IL2RB: variants seen among roughly 807,000 people sequenced by gnomAD.
The protein encoded by IL2RB is interleukin 2 receptor subunit beta, also known as interleukin-2 receptor subunit beta.
In IL2RB, 17 loss-of-function variants were observed where a neutral mutation model predicts 44.2. That is an observed-to-expected ratio of 0.38 (90% CI 0.26 to 0.58). IL2RB has a LOEUF of 0.58. Ranked by LOEUF, IL2RB falls within the 20% of genes least tolerant of loss-of-function variation. The pLI, the probability that IL2RB is intolerant of heterozygous loss-of-function variation, is 0.63. For missense variants in IL2RB, 624 were observed against 685.5 expected (o/e 0.91, Z 1.00); for synonymous variants, 286 against 297.9 (o/e 0.96, Z 0.41).
At chr22:37,165,625 T>C (rs1398280121) in intron 1 of IL2RB, among the ~76,000 whole-genome samples, 1 of 152,214 alleles carries the variant, frequency 6.6e-6, no homozygotes, top group Non-Finnish European at 1.5e-5. Context: ...GTGCAGATGC[T>C]CCTGGGCAGC....
In IL2RB at chr22:37,145,263, C is replaced by G. The variant is rs111851606; in HGVS notation, c.-33-1058G>C. Among the ~76,000 whole-genome samples, 238 of 152,284 alleles carry G rather than the reference C, an allele frequency of 1.6e-3. 2 individuals are homozygous for G. The highest frequency in any genetic ancestry group is 3.5e-3 in the South Asian group (17 of 4,824). ...CCTTGTCCACACTCGTACTCCCCTA[C>G]CTGCCTGGAAGCTCCCTGGAGGCAG... On this transcript the variant is annotated intron_variant, in intron 1 of 9. Coordinates refer to ENST00000216223, the MANE Select transcript of IL2RB (RefSeq NM_000878.5).
At chr22:37,159,490 G>GGGAA (rs1422000324) in intron 1 of IL2RB, among the ~76,000 whole-genome samples, 1 of 152,142 alleles carries the variant, frequency 6.6e-6, no homozygotes, top group Admixed American at 6.5e-5. Context: ...TTCAGGAAGG[G>GGGAA]GGAAGGAGCA....
intron 6 of IL2RB, among the ~76,000 whole-genome samples, chr22:37,137,027 C>A (rs1432675089): frequency 6.6e-6 from 1 of 152,146 alleles, no homozygotes; most frequent in Non-Finnish European, 1.5e-5. Flanking sequence ...TTATCACTAT[C>A]CGGGTGCCTC....
intron 1 of IL2RB, among the ~76,000 whole-genome samples, chr22:37,158,897 G>A (rs1237888991): frequency 1.3e-5 from 2 of 152,186 alleles, no homozygotes; most frequent in Non-Finnish European, 2.9e-5. Flanking sequence ...TCTTCACTAT[G>A]CTGAGAGCAC....
chr22:37,135,859 C>T (rs568063196), intron 7 of IL2RB, among the ~76,000 whole-genome samples: 4 of 152,280 alleles, frequency 2.6e-5, no homozygotes, highest in Non-Finnish European at 4.4e-5. Flanking sequence ...GCCAGGCTGC[C>T]GGGACATCAC....
chr22:37,138,870 C>T (rs1052339532), intron 5 of IL2RB, among the ~76,000 whole-genome samples: 1 of 152,138 alleles, frequency 6.6e-6, no homozygotes, highest in African/African-American at 2.4e-5. Flanking sequence ...TGGCCTTTGG[C>T]TGTAGCAGAA....
At chr22:37,150,061 A>T (rs1228785728), upstream of IL2RB, 1 of 182,922 alleles carries the variant, frequency 5.5e-6, no homozygotes, top group East Asian at 1.9e-4. Context: ...GGCCAGATAA[A>T]GATCTGCCTC....
rs1921214104 is a variant in IL2RB, at chr22:37,128,138, G to A, written c.1614C>T (p.Ser538=). The A allele has an allele frequency of 1.9e-6, 3 of 1,579,668 alleles. No individual in the cohort carries two copies. The Admixed American group carries it at 5.6e-5, about 30-fold the overall frequency. ...GGTCCTGACCCTGGAGTTCTTGGAG[G>A]GACAAGTAGGCATCAGTGTTCAGGG... ...RLPLNTDAYL[S]LQELQGQDPT... is the part of the protein sequence containing the mutation. Residue 538 remains serine (S), a synonymous_variant, in exon 10 of 10, where the codon TCC becomes TCT. Transcript: ENST00000216223. The surrounding 1 kb of genome is among the most constrained non-coding windows in gnomAD (Gnocchi z 4.5).
upstream of IL2RB, among the ~76,000 whole-genome samples, chr22:37,151,767 T>G (rs1922497282): frequency 1.3e-5 from 2 of 152,226 alleles, no homozygotes; most frequent in African/African-American, 2.4e-5. Context: ...CTAGTTTCAT[T>G]CTTCTGCATA....
At chr22:37,129,897 G>T (rs1601594401) in intron 9 of IL2RB, among the ~76,000 whole-genome samples, 1 of 152,138 alleles carries the variant, frequency 6.6e-6, no homozygotes, top group Non-Finnish European at 1.5e-5. Context: ...GGCCCAATGG[G>T]CTCCCCAGGC....
At chr22:37,175,082 T>A (rs956497172), upstream of IL2RB, 1 of 152,178 alleles carries the variant, frequency 6.6e-6, no homozygotes, top group African/African-American at 2.4e-5. Context: ...GGGTCCCTTA[T>A]ACAACCATCA....
intron 1 of IL2RB, among the ~76,000 whole-genome samples, chr22:37,158,527 G>A (rs1265131265): frequency 2.0e-5 from 3 of 152,020 alleles, no homozygotes; most frequent in Admixed American, 6.5e-5. Context: ...AACCGCACTC[G>A]AGCCTGGGTG....
At chr22:37,148,878 G>A (rs866919438) in intron 1 of IL2RB, among the ~76,000 whole-genome samples, 2 of 152,026 alleles carry the variant, frequency 1.3e-5, no homozygotes, top group South Asian at 2.1e-4. Context: ...GCAGGAGCTC[G>A]GGAGCCCATG....
At chr22:37,167,424 G>A (rs888179049) in intron 1 of IL2RB, among the ~76,000 whole-genome samples, 1 of 152,164 alleles carries the variant, frequency 6.6e-6, no homozygotes, top group South Asian at 2.1e-4. Flanking sequence ...GTGAAAATCC[G>A]ACCCCACCCA....
At chr22:37,145,120 TC>T (rs1444286420) in intron 1 of IL2RB, among the ~76,000 whole-genome samples, 5 of 152,178 alleles carry the variant, frequency 3.3e-5, no homozygotes, top group African/African-American at 1.2e-4. Context: ...TGTGAAGGCA[TC>T]AGGACGCGAA....
intron 1 of IL2RB, 111 bp from the exon 2 acceptor site, chr22:37,144,316 G>A (rs891002875): frequency 3.8e-5 from 52 of 1,356,930 alleles, no homozygotes; most frequent in Middle Eastern, 2.7e-4. Context: ...GCACTCCTCG[G>A]TGCCAGCTCA....
At position 37,128,430 on chromosome 22, in the gene IL2RB, G is replaced by T. The variant is rs759302292; in HGVS notation, c.1322C>A (p.Pro441Gln). 2.0e-6 allele frequency: 3 copies of T among 1,532,536 alleles called. No individual in the cohort carries two copies. The African/African-American group carries it at 4.1e-5, about 21-fold the overall frequency. 94.9% of individuals were successfully genotyped at this position (1,532,536 alleles called of 1,614,324 possible). ...CCCACTGCCCCCAGGGGCAGTGCTT[G>T]GGGGGCTGGGGCCACCGAGGAGACT... Reference protein sequence around the residue: ...SPSLLGGPSPPSTAPGGSGAG... With the variant: ...SPSLLGGPSPQSTAPGGSGAG... The change falls in exon 10 of 10, where the codon CCA becomes CAA. Residue 441 changes from proline (P) to glutamine (Q), a missense_variant. Physicochemically the swap from Pro to Gln is moderately conservative, Grantham distance 76. Transcript: ENST00000216223. The surrounding 1 kb of genome is among the most constrained non-coding windows in gnomAD (Gnocchi z 4.5).
intron 5 of IL2RB, 90 bp downstream of exon 5, chr22:37,139,027 A>G: frequency 2.4e-6 from 2 of 830,140 alleles, no homozygotes; most frequent in South Asian, 1.5e-5. Context: ...GCTGCCGGGG[A>G]GAAAGGCTGG....
intron 1 of IL2RB, among the ~76,000 whole-genome samples, chr22:37,165,410 C>T (rs886173008): frequency 6.6e-6 from 1 of 152,180 alleles, no homozygotes; most frequent in Admixed American, 6.5e-5. Flanking sequence ...TTTTCCCAGG[C>T]ATGGAAGGTA....
Sources: allele counts gnomAD v4.1 joint callset (sites outside exome capture counted in the v4.1 genomes callset), GRCh38; gene constraint gnomAD v4.1.1; non-coding constraint Gnocchi (gnomAD v3.1); transcripts MANE v1.5; gene names NCBI Gene and HGNC (gene_info 2026-07-23, HGNC 2026-07-21).